DOCK6: variants seen among roughly 807,000 people sequenced by gnomAD.
The protein encoded by DOCK6 is dedicator of cytokinesis protein 6.
A neutral mutation model predicts 230.3 loss-of-function variants in DOCK6; 167 were observed. The ratio of observed to expected loss-of-function variants is 0.73; its 90% CI spans 0.64 to 0.82. DOCK6 has a LOEUF of 0.82. Among genes scored for constraint, DOCK6 ranks in the 40% least tolerant of loss-of-function variants. The pLI is 0.00. For synonymous variants in DOCK6, 1,148 were observed against 1,185.0 expected (o/e 0.97, Z 0.64); for missense variants, 2,598 against 2,825.8 (o/e 0.92, Z 1.83).
chr19:11,212,029 C>G lies in DOCK6; in HGVS notation c.4614G>C (p.Glu1538Asp), dbSNP rs369621649. ...SLKTILTYAE[E>D]DMGLRDSTFA... ...AGGTGCTGTCCCGCAGCCCCATGTC[C>G]TCCTCAGCATAGGTGAGGATGGTTT... Residue 1538 changes from glutamate (E) to aspartate (D), a missense_variant, in exon 36 of 48, where the codon GAG becomes GAC. Transcript: ENST00000294618. 7.5e-6 allele frequency: 12 copies of G among 1,609,608 alleles called. No homozygotes were observed. Among genetic ancestry groups the G allele is most frequent in the Non-Finnish European group, 1.0e-5 (12 of 1,178,400 alleles).
chr19:11,243,968 A>C lies in DOCK6; in HGVS notation c.1024-86T>G. Reference sequence around the variant, plus strand: ...GGCTCCCCAGCCTCCTGGACCCCTCATGGGCCCTCGGACACTCCTAACATA... The same window carrying C: ...GGCTCCCCAGCCTCCTGGACCCCTCCTGGGCCCTCGGACACTCCTAACATA... On this transcript the variant is annotated intron_variant, in intron 9 of 47. Transcript: ENST00000294618. The surrounding 1 kb of genome is among the most constrained non-coding windows in gnomAD (Gnocchi z 6.3). 7.0e-7 allele frequency: 1 copy of C among 1,425,682 alleles called. No homozygotes were observed. Among genetic ancestry groups the C allele is most frequent in the Non-Finnish European group, 9.7e-7 (1 of 1,033,348 alleles). 88.3% of individuals were successfully genotyped at this position (1,425,682 alleles called of 1,614,324 possible). A position where few individuals can be genotyped will look rare whatever the true frequency, so the allele number is the denominator to read the frequency against.
In DOCK6 at chr19:11,208,893, C is replaced by T; in HGVS notation, c.4944+18G>A. ...TGCACTCGTGCCGTCCGCCACCTGC[C>T]AACCCCTGGCCACTCACCTGGAAGG... is the stretch of plus-strand genomic sequence containing the variant. On this transcript the variant is annotated intron_variant, in intron 38 of 47. Coordinates refer to ENST00000294618, the MANE Select transcript of DOCK6 (RefSeq NM_020812.4). 6.3e-7 allele frequency: 1 copy of T among 1,597,094 alleles called. No individual in the cohort carries two copies.
chr19:11,202,827 G>A lies in DOCK6; in HGVS notation c.5236-118C>T. The A allele has an allele frequency of 1.3e-6, 2 of 1,533,482 alleles. No homozygotes were observed. The highest frequency in any genetic ancestry group is 2.3e-5 in the East Asian group (1 of 44,392). The allele number at this position is 1,533,482 out of a possible 1,614,324, so 95.0% of individuals were successfully genotyped here. On this transcript the variant is annotated intron_variant, in intron 41 of 47. Coordinates refer to ENST00000294618, the MANE Select transcript of DOCK6 (RefSeq NM_020812.4). This position sits in a 1 kb window ranked among gnomAD's most constrained non-coding sequence, Gnocchi z 5.3. ...GTGTGAGGACCCCGAGAACATCAGG[G>A]CATGGGCACAGGCAGGGGGCCCTGA...
chr19:11,203,909 G>A (rs2079213115), intron 41 of DOCK6, 172 bp downstream of exon 41: 1 of 799,976 alleles, frequency 1.3e-6, no homozygotes. Flanking sequence ...GGGGGTGGGG[G>A]CATTTTTGGG....
intron 47 of DOCK6, 71 bp from the exon 48 acceptor site, chr19:11,199,610 C>T (rs1318963712): frequency 3.5e-6 from 5 of 1,448,586 alleles, no homozygotes; most frequent in Non-Finnish European, 4.8e-6. Flanking sequence ...CAGCCCACAT[C>T]CTCTTCCTCC....
chr19:11,239,671 C>G, intron 14 of DOCK6: 1 of 1,613,788 alleles, frequency 6.2e-7, no homozygotes, highest in Non-Finnish European at 8.5e-7. Context: ...GCTCTGGGCC[C>G]TGGCAATGGT....
chr19:11,212,202 C>G (rs1044519604), intron 35 of DOCK6, 51 bp from the exon 36 acceptor site: 230 of 1,575,826 alleles, frequency 1.5e-4, no homozygotes, highest in Non-Finnish European at 1.9e-4. Flanking sequence ...GACCCCAGAC[C>G]CCACATCAGA....
At chr19:11,250,093 C>A (rs969085131) in intron 6 of DOCK6, among the ~76,000 whole-genome samples, 1 of 150,770 alleles carries the variant, frequency 6.6e-6, no homozygotes, top group African/African-American at 2.4e-5. Flanking sequence ...TCACTGCAAC[C>A]TCTGCCTCCT....
Position 11,238,122 on chromosome 19 carries a change from G to T in DOCK6, c.1762-7C>A. 2 of 1,613,978 alleles carry T rather than the reference G, an allele frequency of 1.2e-6. No individual in the cohort carries two copies. Among genetic ancestry groups the T allele is most frequent in the Non-Finnish European group, 8.5e-7 (1 of 1,179,872 alleles). On this transcript the variant is annotated splice_polypyrimidine_tract_variant and splice_region_variant and intron_variant, in intron 15 of 47. Transcript: ENST00000294618. ...TGGACTTGCCAAAGATGACCTGGGA[G>T]AGTGGATTCATGAGGGACCCATGGG...
Position 11,214,597 on chromosome 19 carries a change from C to T in DOCK6, c.4159G>A (p.Glu1387Lys), listed in dbSNP as rs374869280. 78 of 1,613,724 alleles carry T rather than the reference C, an allele frequency of 4.8e-5. No homozygotes were observed. The highest frequency in any genetic ancestry group is 5.8e-5 in the Non-Finnish European group (69 of 1,179,872). Residue 1387 changes from glutamate to lysine, a missense_variant, in exon 33 of 48, where the codon GAG (glutamate) becomes AAG (lysine). Coordinates refer to ENST00000294618, the MANE Select transcript of DOCK6 (RefSeq NM_020812.4). Reference sequence around the variant, plus strand: ...GTGTCCAGAACCACTAGGCTTGCCTCGGTTGCCAGGTTCCCTTCCACCAAG... The same window carrying T: ...GTGTCCAGAACCACTAGGCTTGCCTTGGTTGCCAGGTTCCCTTCCACCAAG... The part of the protein sequence containing the change: ...EALVEGNLAT[E>K]ASLVVLDTLE...
rs183060698 is a variant in DOCK6 at position 11,252,958 on chromosome 19, C to T, written c.133G>A (p.Val45Ile). Residue 45 changes from valine to isoleucine, a missense_variant and splice_region_variant, in exon 3 of 48, where the codon GTC becomes ATC. Val to Ile is a conservative substitution (Grantham distance 29). Transcript: ENST00000294618. ...SSRRCSSSLG[V>I]PLTEVVEPLD... ...GGCTCGACAACTTCAGTCAGTGGGA[C>T]CTGGATTGGAGCAAAGTGGCTGTGA... 3,225 of 1,602,672 alleles carry T rather than the reference C, an allele frequency of 2.0e-3. 9 individuals carry two copies. Among genetic ancestry groups the T allele is most frequent in the South Asian group, 2.9e-3 (256 of 89,248 alleles).
At chr19:11,240,132 C>T in intron 14 of DOCK6, 9 of 1,551,594 alleles carry the variant, frequency 5.8e-6, no homozygotes, top group Non-Finnish European at 7.8e-6. Context: ...GTTTATTAAG[C>T]AGATGGAGGA....
At chr19:11,256,573 C>T (rs991682431) in intron 1 of DOCK6, among the ~76,000 whole-genome samples, 3 of 152,224 alleles carry the variant, frequency 2.0e-5, no homozygotes, top group Non-Finnish European at 2.9e-5. Context: ...GCTTTGCACA[C>T]AGTAAGTGCT....
In DOCK6 at chr19:11,233,310, C is replaced by A. The variant is rs544793220; in HGVS notation, c.2611G>T (p.Ala871Ser). ...TTGGAACGCGCCAGGTAGAGGCTTG[C>A]GGGGCGACCAGAGCCACGGGCCAGT... ...ATLARGSGRP[A>S]SLYLARSKSI... The change falls in exon 22 of 48, where the codon GCA becomes TCA. Residue 871 changes from alanine (A) to serine (S), a missense_variant. Transcript: ENST00000294618. 5.0e-6 allele frequency: 8 copies of A among 1,613,684 alleles called. No individual in the cohort carries two copies. Among genetic ancestry groups the A allele is most frequent in the South Asian group, 3.3e-5 (3 of 91,076 alleles).
chr19:11,234,639 G>GA (rs80068988), intron 21 of DOCK6, among the ~76,000 whole-genome samples: 29,395 of 151,878 alleles, frequency 0.19, 4,457 homozygotes, highest in African/African-American at 0.41. Context: ...TTTACAAAAG[G>GA]AAAAACAGGC....
chr19:11,200,578 A>ACG lies in DOCK6; in HGVS notation c.5940-110_5940-109insCG, dbSNP rs2079152498. ...GGACCAGGCCTGCAGAAAGACCCGC[A>ACG]ATAGGAGGTCAGGTTGGGAGAGTGG... On this transcript the variant is annotated intron_variant, in intron 46 of 47. Transcript: ENST00000294618. The surrounding 1 kb of genome is among the most constrained non-coding windows in gnomAD (Gnocchi z 4.3). 2 of 1,519,316 alleles carry ACG rather than the reference A, an allele frequency of 1.3e-6. No individual in the cohort carries two copies. The highest frequency in any genetic ancestry group is 1.4e-5 in the African/African-American group (1 of 72,558). The allele number at this position is 1,519,316 out of a possible 1,614,324, so 94.1% of individuals were successfully genotyped here. A position where few individuals can be genotyped will look rare whatever the true frequency, so the allele number is the denominator to read the frequency against.
intron 40 of DOCK6, 27 bp from the exon 41 acceptor site, chr19:11,204,122 A>C: frequency 6.5e-7 from 1 of 1,548,044 alleles, no homozygotes; most frequent in Non-Finnish European, 8.7e-7. Flanking sequence ...GGTCAAGGTC[A>C]GCAGATCCCT....
intron 14 of DOCK6, among the ~76,000 whole-genome samples, chr19:11,241,191 A>G (rs193025167): frequency 4.5e-4 from 68 of 151,776 alleles, no homozygotes; most frequent in African/African-American, 1.6e-3. Flanking sequence ...GGTTGCAGTG[A>G]GCTGAGATCG....
intron 22 of DOCK6, chr19:11,229,289 C>T: frequency 7.8e-7 from 1 of 1,280,168 alleles, no homozygotes; most frequent in Non-Finnish European, 9.9e-7. Context: ...CCGCACCTCC[C>T]CCCACTACCT....
Sources: gnomAD v4.1 joint callset for allele counts (sites outside exome capture counted in the v4.1 genomes callset) on GRCh38, gnomAD v4.1.1 for gene constraint, Gnocchi (gnomAD v3.1) non-coding constraint, MANE v1.5 for transcripts, NCBI Gene and HGNC (gene_info 2026-07-23, HGNC 2026-07-21) for gene names.